Variants in DARS1 observed in about 807,000 individuals in gnomAD.
DARS1 encodes aspartyl-tRNA synthetase 1.
A neutral mutation model predicts 68.8 loss-of-function variants in DARS1; 51 were observed. The ratio of observed to expected loss-of-function variants is 0.74; its 90% confidence interval spans 0.59 to 0.94. DARS1 has a LOEUF of 0.94. Ranked by LOEUF, DARS1 falls within the 40% of genes least tolerant of loss-of-function variation. The probability of loss-of-function intolerance (pLI) is 0.00; values close to 1 mark genes in which losing one functional copy is unlikely to be tolerated. For missense variants in DARS1, 607 were observed against 597.3 expected, an observed-to-expected ratio of 1.02 and a Z score of -0.17; for synonymous variants, 203 against 190.4, an observed-to-expected ratio of 1.07 and a Z score of -0.55.
chr2:135,983,010 G>T (rs1682672399), intron 2 of DARS1, among the ~76,000 whole-genome samples: 1 of 152,160 alleles, frequency 6.6e-6, no homozygotes, highest in Non-Finnish European at 1.5e-5. Flanking sequence ...AAGTTGTGGG[G>T]GTTGGGGGAA....
At chr2:135,908,284 A>G (rs1680828470) in intron 15 of DARS1, among the ~76,000 whole-genome samples, 1 of 152,186 alleles carries the variant, frequency 6.6e-6, no homozygotes, top group Non-Finnish European at 1.5e-5. Context: ...CAATTTAAAA[A>G]ACAGCGTTAA....
intron 3 of DARS1, among the ~76,000 whole-genome samples, chr2:135,968,266 A>C (rs927856917): frequency 5.9e-5 from 9 of 152,214 alleles, no homozygotes; most frequent in African/African-American, 2.2e-4. Context: ...TCTGTTTCAA[A>C]AAATAAATAA....
At chr2:135,924,687 A>G (rs1313004493) in intron 7 of DARS1, among the ~76,000 whole-genome samples, 189 bp from the exon 8 acceptor site, 1 of 152,238 alleles carries the variant, frequency 6.6e-6, no homozygotes, top group African/African-American at 2.4e-5. Context: ...CAATGACTAT[A>G]TATGATCATA....
intron 4 of DARS1, among the ~76,000 whole-genome samples, chr2:135,947,170 T>C (rs1681742767): frequency 6.6e-6 from 1 of 150,688 alleles, no homozygotes; most frequent in South Asian, 2.1e-4. Flanking sequence ...TTCTGGGAGG[T>C]CGGGGTGGGT....
intron 4 of DARS1, among the ~76,000 whole-genome samples, chr2:135,945,752 A>G (rs188528319): frequency 1.8e-4 from 28 of 152,284 alleles, no homozygotes; most frequent in African/African-American, 6.3e-4. Flanking sequence ...ACCACAAACT[A>G]TTTCTTAAGC....
At chr2:135,933,019 G>A (rs529959331) in intron 6 of DARS1, among the ~76,000 whole-genome samples, 177 bp from the exon 7 acceptor site, 9 of 152,280 alleles carry the variant, frequency 5.9e-5, no homozygotes, top group Non-Finnish European at 7.4e-5. Flanking sequence ...AGAAGTTAGC[G>A]TTAAAAGAGA....
chr2:135,933,508 C>G (rs1027346488), intron 6 of DARS1, among the ~76,000 whole-genome samples: 1 of 152,162 alleles, frequency 6.6e-6, no homozygotes, highest in Non-Finnish European at 1.5e-5. Flanking sequence ...AATACAATGT[C>G]ACTCTTAACA....
intron 7 of DARS1, among the ~76,000 whole-genome samples, chr2:135,931,097 G>C (rs934861685): frequency 6.6e-5 from 10 of 152,218 alleles, no homozygotes; most frequent in African/African-American, 2.4e-4. Flanking sequence ...GGCTACACTA[G>C]AACCTGACGG....
intron 15 of DARS1, among the ~76,000 whole-genome samples, chr2:135,907,624 G>C (rs1680815969): frequency 6.6e-6 from 1 of 152,140 alleles, no homozygotes; most frequent in South Asian, 2.1e-4. Flanking sequence ...ATATATCCTT[G>C]AGTGGTATGG....
At chr2:135,930,545 A>G (rs1681319753) in intron 7 of DARS1, among the ~76,000 whole-genome samples, 1 of 152,222 alleles carries the variant, frequency 6.6e-6, no homozygotes, top group African/African-American at 2.4e-5. Context: ...TATCTCCCCA[A>G]CAAAATGATG....
At chr2:135,965,699 G>A (rs1238949306) in intron 3 of DARS1, among the ~76,000 whole-genome samples, 3 of 152,110 alleles carry the variant, frequency 2.0e-5, no homozygotes, top group African/African-American at 4.8e-5. Context: ...GCTTAAAAAC[G>A]TTATCTTTGA....
chr2:135,948,967 A>G (rs1423905132), intron 4 of DARS1, among the ~76,000 whole-genome samples: 1 of 152,226 alleles, frequency 6.6e-6, no homozygotes, highest in African/African-American at 2.4e-5. Context: ...CTAGAAAGGA[A>G]AGAAAATAAA....
intron 4 of DARS1, among the ~76,000 whole-genome samples, chr2:135,955,142 CCA>C (rs1681943381): frequency 7.0e-6 from 1 of 142,506 alleles, no homozygotes. Flanking sequence ...ATTACCACCA[CCA>C]AAAAAAAAAA....
chr2:135,961,201 G>A (rs1318938938), intron 4 of DARS1, among the ~76,000 whole-genome samples, 195 bp downstream of exon 4: 1 of 152,198 alleles, frequency 6.6e-6, no homozygotes, highest in African/African-American at 2.4e-5. Flanking sequence ...AGTTCCAAAT[G>A]AATTTCAAGC....
At chr2:135,981,944 G>A (rs1391793842) in intron 2 of DARS1, among the ~76,000 whole-genome samples, 1 of 152,020 alleles carries the variant, frequency 6.6e-6, no homozygotes, top group African/African-American at 2.4e-5. Flanking sequence ...GTCTTTTATT[G>A]TATTCTTTCC....
At chr2:135,935,670 TA>T (rs970794130) in intron 5 of DARS1, among the ~76,000 whole-genome samples, 3 of 152,232 alleles carry the variant, frequency 2.0e-5, no homozygotes, top group Non-Finnish European at 2.9e-5. Flanking sequence ...ATTTTAGTGA[TA>T]AAAAGCAACT....
At position 135,914,325 on chromosome 2, in the gene DARS1, AT is replaced by A. The variant is rs1309435703; in HGVS notation, c.1149+143del. Reference sequence around the variant, plus strand: ...TATTTCTCAATTTTCTAAGAAAAAAATTTTTTTAATGTTGTCCTTCTTCGGT... The same window carrying A: ...TATTTCTCAATTTTCTAAGAAAAAAATTTTTTAATGTTGTCCTTCTTCGGT... On this transcript the variant is annotated intron_variant, in intron 12 of 15. Transcript: ENST00000264161. The A allele has an allele frequency of 9.8e-6, 6 of 612,870 alleles. No individual in the cohort carries two copies. In the East Asian group the frequency reaches 1.3e-4, roughly 14 times the overall value. 38.0% of individuals were successfully genotyped at this position (612,870 alleles called of 1,614,324 possible).
rs1192889570 is a variant in DARS1, at chr2:135,953,816, C to T, written c.320+7580G>A. On this transcript the variant is annotated intron_variant, in intron 4 of 15. Coordinates refer to ENST00000264161, the MANE Select transcript of DARS1 (RefSeq NM_001349.4). ...GTTACTAATGGTTAAAAATAAATTC[C>T]TCCTTTGGAATTTTTAGCAGGAATT... Among the ~76,000 whole-genome samples the T allele has an allele frequency of 2.6e-5, 4 of 152,056 alleles. No individual in the cohort carries two copies. The East Asian group carries it at 5.8e-4, about 22-fold the overall frequency.
chr2:135,978,115 C>CCTG (rs1390901119), intron 3 of DARS1, among the ~76,000 whole-genome samples: 2 of 130,904 alleles, frequency 1.5e-5, no homozygotes, highest in Admixed American at 1.9e-4. Flanking sequence ...AGCACTCCAG[C>CCTG]CTGGGTGACA....
Sources: gnomAD v4.1 joint callset for allele counts (sites outside exome capture counted in the v4.1 genomes callset) on GRCh38, gnomAD v4.1.1 for gene constraint, MANE v1.5 for transcripts, NCBI Gene and HGNC (gene_info 2026-07-23, HGNC 2026-07-21) for gene names.